Variants in ZNF385D observed in about 807,000 individuals in gnomAD.
ZNF385D encodes zinc finger protein 385D.
ZNF385D carries 15 observed loss-of-function variants against 35.8 expected under a neutral mutation model. The ratio of observed to expected loss-of-function variants is 0.42; its 90% CI spans 0.28 to 0.64. The LOEUF (loss-of-function observed/expected upper bound fraction) is 0.64, where lower values mean the gene tolerates loss of function less well. ZNF385D is among the 30% of genes least tolerant of loss of function. ZNF385D has a pLI of 0.23. For synonymous variants in ZNF385D, 212 were observed against 186.8 expected (o/e 1.13, Z -1.10); for missense variants, 474 against 494.6 (o/e 0.96, Z 0.39).
intron 1 of ZNF385D, among the ~76,000 whole-genome samples, chr3:21,716,900 G>T (rs2068344000): frequency 6.6e-6 from 1 of 152,026 alleles, no homozygotes; most frequent in Non-Finnish European, 1.5e-5. Flanking sequence ...GAGGCGGGTG[G>T]ATCACAAGGT....
At chr3:21,837,606 G>C (rs1051269083) in intron 3 of ZNF385D, among the ~76,000 whole-genome samples, 3 of 152,072 alleles carry the variant, frequency 2.0e-5, no homozygotes, top group African/African-American at 7.2e-5. Context: ...AGGTGCAGTG[G>C]CTCACACCTG....
chr3:22,005,206 C>A (rs1262279205), intron 3 of ZNF385D, among the ~76,000 whole-genome samples: 2 of 151,418 alleles, frequency 1.3e-5, no homozygotes, highest in African/African-American at 2.4e-5. Flanking sequence ...CTATACACCA[C>A]AGAAATACAA....
At chr3:21,869,417 G>T (rs750606215) in intron 3 of ZNF385D, among the ~76,000 whole-genome samples, 3 of 152,010 alleles carry the variant, frequency 2.0e-5, no homozygotes, top group Non-Finnish European at 2.9e-5. Flanking sequence ...GATCCCCACC[G>T]CTCATCAGCA....
intron 2 of ZNF385D, among the ~76,000 whole-genome samples, chr3:22,258,755 A>T (rs1006983407): frequency 1.3e-5 from 2 of 151,790 alleles, no homozygotes; most frequent in Non-Finnish European, 2.9e-5. Flanking sequence ...TAAAAATATA[A>T]TTATAGATTA....
intron 3 of ZNF385D, among the ~76,000 whole-genome samples, chr3:22,069,567 G>A (rs763104666): frequency 9.2e-5 from 14 of 152,086 alleles, no homozygotes; most frequent in Non-Finnish European, 1.6e-4. Context: ...GCAAAAGGAT[G>A]GCATAAGTAT....
chr3:22,306,891 G>A (rs1036658175), intron 2 of ZNF385D, among the ~76,000 whole-genome samples: 6 of 152,112 alleles, frequency 3.9e-5, no homozygotes, highest in South Asian at 2.1e-4. Context: ...AGACAGCTGC[G>A]CTTTGAAGAG....
At chr3:21,867,284 C>T (rs1158673650) in intron 3 of ZNF385D, among the ~76,000 whole-genome samples, 3 of 152,130 alleles carry the variant, frequency 2.0e-5, no homozygotes, top group Non-Finnish European at 4.4e-5. Flanking sequence ...TCTCCTGACA[C>T]TGTTGCATTG....
intron 2 of ZNF385D, among the ~76,000 whole-genome samples, chr3:22,195,702 ATTAT>A (rs1372783095): frequency 1.3e-5 from 2 of 152,028 alleles, no homozygotes; most frequent in African/African-American, 2.4e-5. Flanking sequence ...AGCATTAGAT[ATTAT>A]TTATTTTTTA....
chr3:21,994,383 T>C (rs1387938063), intron 3 of ZNF385D, among the ~76,000 whole-genome samples: 1 of 152,240 alleles, frequency 6.6e-6, no homozygotes, highest in Non-Finnish European at 1.5e-5. Context: ...CCAGAATTTA[T>C]GGGTTTTAAA....
chr3:22,350,618 A>C (rs1695872094), intron 2 of ZNF385D, among the ~76,000 whole-genome samples: 1 of 152,164 alleles, frequency 6.6e-6, no homozygotes, highest in African/African-American at 2.4e-5. Flanking sequence ...ATCTTTGTAG[A>C]ACTTATAATT....
intron 2 of ZNF385D, among the ~76,000 whole-genome samples, chr3:22,356,102 G>A (rs537827966): frequency 3.3e-5 from 5 of 152,056 alleles, no homozygotes; most frequent in East Asian, 1.9e-4. Context: ...GCAAATATGC[G>A]TGTTTTAAGC....
chr3:22,143,603 A>T (rs1214235086), intron 3 of ZNF385D, among the ~76,000 whole-genome samples: 1 of 152,082 alleles, frequency 6.6e-6, no homozygotes, highest in Non-Finnish European at 1.5e-5. Flanking sequence ...TTTTTCTGTG[A>T]TTTGCCTTTA....
At chr3:21,883,874 T>C (rs1310943213) in intron 3 of ZNF385D, among the ~76,000 whole-genome samples, 1 of 152,046 alleles carries the variant, frequency 6.6e-6, no homozygotes, top group Non-Finnish European at 1.5e-5. Context: ...GGTCTGAGAC[T>C]GAGACATGCT....
At chr3:21,480,436 T>G (rs992938461) in intron 4 of ZNF385D, among the ~76,000 whole-genome samples, 1 of 152,048 alleles carries the variant, frequency 6.6e-6, no homozygotes, top group East Asian at 1.9e-4. Context: ...TTCTCACTTG[T>G]GTGGGAAAAA....
intron 2 of ZNF385D, among the ~76,000 whole-genome samples, chr3:21,570,301 C>A (rs1231990621): frequency 6.6e-6 from 1 of 152,150 alleles, no homozygotes; most frequent in East Asian, 1.9e-4. Context: ...TCCCTCACCT[C>A]CCCTCTGGGG....
intron 3 of ZNF385D, among the ~76,000 whole-genome samples, chr3:22,121,512 A>G (rs1293878838): frequency 6.6e-6 from 1 of 152,210 alleles, no homozygotes; most frequent in Non-Finnish European, 1.5e-5. Context: ...ATGAGAAAGG[A>G]CAAACGCTTT....
intron 2 of ZNF385D, among the ~76,000 whole-genome samples, chr3:22,200,912 C>T (rs1696748388): frequency 6.6e-6 from 1 of 152,098 alleles, no homozygotes; most frequent in Non-Finnish European, 1.5e-5. Context: ...CTCTCTTGTT[C>T]CCTCAACACT....
At chr3:22,140,253 G>T (rs1299767121) in intron 3 of ZNF385D, among the ~76,000 whole-genome samples, 1 of 152,112 alleles carries the variant, frequency 6.6e-6, no homozygotes, top group Non-Finnish European at 1.5e-5. Flanking sequence ...GCAATAAAAA[G>T]GAACAGATTA....
intron 3 of ZNF385D, among the ~76,000 whole-genome samples, chr3:21,904,535 G>C (rs903845969): frequency 6.6e-6 from 1 of 152,106 alleles, no homozygotes; most frequent in African/African-American, 2.4e-5. Context: ...ACGTTGAGTT[G>C]GCAAAGTCAC....
Sources: gnomAD v4.1 joint callset for allele counts (sites outside exome capture counted in the v4.1 genomes callset) on GRCh38, gnomAD v4.1.1 for gene constraint, MANE v1.5 for transcripts, NCBI Gene and HGNC (gene_info 2026-07-23, HGNC 2026-07-21) for gene names.